ZNF236: variants seen among roughly 807,000 people sequenced by gnomAD.
The protein encoded by ZNF236 is regulated by glucose.
Under a neutral mutation model 191.2 loss-of-function variants are expected in ZNF236, and 50 were observed. The observed-to-expected ratio is 0.26, with a 90% CI of 0.21 to 0.33. The LOEUF (loss-of-function observed/expected upper bound fraction) is 0.33. Ranked by LOEUF, ZNF236 falls within the 10% of genes least tolerant of loss-of-function variation. The probability of loss-of-function intolerance (pLI) is 1.00; values close to 1 mark genes in which losing one functional copy is unlikely to be tolerated. For synonymous variants in ZNF236, 907 were observed against 928.8 expected (o/e 0.98, Z 0.43); for missense variants, 1,754 against 2,374.5 (o/e 0.74, Z 5.43).
chr18:76,885,831 C>T (rs1977033424), intron 9 of ZNF236: 1 of 152,272 alleles, frequency 6.6e-6, no homozygotes, highest in African/African-American at 2.4e-5. Flanking sequence ...AACATGGGAC[C>T]TCTGCTTCTG....
chr18:76,854,334 G>C (rs2122529431), intron 3 of ZNF236, among the ~76,000 whole-genome samples: 1 of 152,126 alleles, frequency 6.6e-6, no homozygotes, highest in South Asian at 2.1e-4. Flanking sequence ...TACAAAAATA[G>C]GATTATGTCA....
intron 11 of ZNF236, among the ~76,000 whole-genome samples, chr18:76,900,023 A>G (rs1047952089): frequency 6.6e-6 from 1 of 152,218 alleles, no homozygotes; most frequent in Non-Finnish European, 1.5e-5. Flanking sequence ...GGAGGACCAC[A>G]AACATTTAGA....
chr18:76,942,241 A>G (rs1968149288), intron 26 of ZNF236, among the ~76,000 whole-genome samples: 1 of 152,232 alleles, frequency 6.6e-6, no homozygotes, highest in Non-Finnish European at 1.5e-5. Flanking sequence ...TCCAATGTGA[A>G]GAAATCAAGT....
intron 11 of ZNF236, among the ~76,000 whole-genome samples, chr18:76,902,856 G>T (rs1384022778): frequency 6.6e-6 from 1 of 152,096 alleles, no homozygotes; most frequent in Non-Finnish European, 1.5e-5. Context: ...CTCCCAAAGT[G>T]CTGGGATTAC....
chr18:76,896,386 G>C (rs1431482394), intron 10 of ZNF236, among the ~76,000 whole-genome samples: 1 of 150,876 alleles, frequency 6.6e-6, no homozygotes, highest in East Asian at 2.0e-4. Flanking sequence ...ACCAAACTCA[G>C]TATCGAACAC....
intron 1 of ZNF236, among the ~76,000 whole-genome samples, chr18:76,833,176 A>G (rs1321426132): frequency 6.6e-6 from 1 of 152,094 alleles, no homozygotes; most frequent in Non-Finnish European, 1.5e-5. Context: ...TTCATTTCCA[A>G]TCTTTATCAC....
chr18:76,912,429 C>T, intron 17 of ZNF236, 82 bp downstream of exon 17: 1 of 940,698 alleles, frequency 1.1e-6, no homozygotes, highest in Non-Finnish European at 1.7e-6. Context: ...GCTCCAAGGG[C>T]TCTGCGATTT....
chr18:76,833,359 A>G (rs1975227513), intron 1 of ZNF236, among the ~76,000 whole-genome samples: 1 of 152,142 alleles, frequency 6.6e-6, no homozygotes, highest in African/African-American at 2.4e-5. Context: ...GGTAGATATT[A>G]TAAGATTACA....
rs1353765954 is a variant in ZNF236, at chr18:76,881,482, A to G, written c.1387A>G (p.Met463Val). ...PEKLDKKEKK[M>V]IKKKSPFLPG... is the part of the protein sequence containing the mutation. ...GAAACTGGATAAAAAAGAAAAAAAAATGATAAAGAAGAAGTCACCGTTTCT... is the reference window on the plus strand; with the variant it reads ...GAAACTGGATAAAAAAGAAAAAAAAGTGATAAAGAAGAAGTCACCGTTTCT... The change falls in exon 9 of 31, where the codon ATG becomes GTG. Residue 463 changes from methionine to valine, a missense_variant. Transcript: ENST00000320610. 1 of 1,612,686 alleles carries G rather than the reference A, an allele frequency of 6.2e-7. No homozygotes were observed. Among genetic ancestry groups the G allele is most frequent in the East Asian group, 2.2e-5 (1 of 44,896 alleles).
rs1475695568 is a variant in ZNF236, at chr18:76,925,526, C to T, written c.3999C>T (p.Gly1333=). ...DQNLLQPGLV[G]QAILPASVSA... is the part of the protein sequence containing the mutation. ...ATCTGCTGCAACCAGGACTGGTGGG[C>T]CAAGCTATTCTCCCTGCCTCTGTGT... Residue 1333 remains glycine (G), a synonymous_variant, in exon 22 of 31, where the codon GGC becomes GGT. Coordinates refer to ENST00000320610, the MANE Select transcript of ZNF236 (RefSeq NM_001306089.2). This position sits in a 1 kb window ranked among gnomAD's most constrained non-coding sequence, Gnocchi z 5.7. 1 of 1,613,584 alleles carries T rather than the reference C, an allele frequency of 6.2e-7. No homozygotes were observed. Among genetic ancestry groups the T allele is most frequent in the South Asian group, 1.1e-5 (1 of 91,076 alleles).
intron 7 of ZNF236, among the ~76,000 whole-genome samples, chr18:76,878,798 C>T (rs568376906): frequency 8.5e-4 from 129 of 152,254 alleles, no homozygotes; most frequent in Middle Eastern, 6.8e-3. Flanking sequence ...ACGAAAGTGT[C>T]GGAAGTTTTA....
intron 30 of ZNF236, among the ~76,000 whole-genome samples, chr18:76,963,306 G>GT (rs142938472): frequency 0.035 from 5,346 of 152,184 alleles, 322 homozygotes; most frequent in African/African-American, 0.12. Flanking sequence ...TTTGTCTGAT[G>GT]TTTTTTCTGC....
chr18:76,839,450 A>G (rs570570147), intron 1 of ZNF236, among the ~76,000 whole-genome samples: 69 of 152,326 alleles, frequency 4.5e-4, no homozygotes, highest in African/African-American at 1.3e-3. Context: ...AAGTATTTTA[A>G]AAGTTATTTC....
Position 76,875,795 on chromosome 18 carries a change from G to C in ZNF236, c.840+131G>C. 1.9e-6 allele frequency: 2 copies of C among 1,030,236 alleles called. No individual in the cohort carries two copies. The highest frequency in any genetic ancestry group is 1.3e-6 in the Non-Finnish European group (1 of 789,732). The allele number at this position is 1,030,236 out of a possible 1,614,324, so 63.8% of individuals were successfully genotyped here. A position where few individuals can be genotyped will look rare whatever the true frequency, so the allele number is the denominator to read the frequency against. On this transcript the variant is annotated intron_variant, in intron 6 of 30. Transcript: ENST00000320610. The surrounding 1 kb of genome is among the most constrained non-coding windows in gnomAD (Gnocchi z 4.3). ...ATTGATTTTGTGCCGAGCAGACCCTGTTTTAAAAAATACATACGTGGGAAT... is the reference window on the plus strand; with the variant it reads ...ATTGATTTTGTGCCGAGCAGACCCTCTTTTAAAAAATACATACGTGGGAAT...
intron 8 of ZNF236, 31 bp from the exon 9 acceptor site, chr18:76,881,253 C>T: frequency 1.2e-6 from 2 of 1,602,028 alleles, no homozygotes; most frequent in Non-Finnish European, 1.7e-6. Context: ...CCATCGTTAC[C>T]TTCTAACCTT....
intron 3 of ZNF236, among the ~76,000 whole-genome samples, chr18:76,865,307 AGC>A (rs2122579636): frequency 6.6e-6 from 1 of 152,334 alleles, no homozygotes; most frequent in Non-Finnish European, 1.5e-5. Context: ...ATTGCACTCC[AGC>A]CTGGGCCACA....
intron 3 of ZNF236, among the ~76,000 whole-genome samples, chr18:76,867,916 C>G (rs2122590495): frequency 6.6e-6 from 1 of 151,922 alleles, no homozygotes; most frequent in African/African-American, 2.4e-5. Flanking sequence ...TGTAGAACAT[C>G]TAGACCAGCA....
In ZNF236 at chr18:76,925,413, C is replaced by A. The variant is rs775861662; in HGVS notation, c.3886C>A (p.Gln1296Lys). 12 of 1,614,088 alleles carry A rather than the reference C, an allele frequency of 7.4e-6. No individual in the cohort carries two copies. The Admixed American group carries it at 1.3e-4, about 18-fold the overall frequency. The change falls in exon 22 of 31, where the codon CAG (glutamine) becomes AAG (lysine). Residue 1296 changes from glutamine (Q) to lysine (K), a missense_variant. This residue lies in a region of ZNF236 where 606 missense variants were observed against 761.5 expected (regional missense o/e 0.80). Coordinates refer to ENST00000320610, the MANE Select transcript of ZNF236 (RefSeq NM_001306089.2). The surrounding 1 kb of genome is among the most constrained non-coding windows in gnomAD (Gnocchi z 5.7). ...GACTCGAAGCTCATCGGAAGGACTG[C>A]AGCCTGTAAACCTCCTCAACTCCTC... ...PMTRSSSEGL[Q>K]PVNLLNSSST...
rs776495796 is a variant in ZNF236, at chr18:76,851,862, A to G, written c.286A>G (p.Thr96Ala). Reference protein sequence around the residue: ...HKCTHSGEDPTCPVCNKKFSR... With the variant: ...HKCTHSGEDPACPVCNKKFSR... ...ATGCACCCACAGCGGGGAAGATCCT[A>G]CCTGCCCTGTGTGTAACAAGAAATT... Residue 96 changes from threonine to alanine, a missense_variant, in exon 3 of 31, where the codon ACC (threonine) becomes GCC (alanine). Coordinates refer to ENST00000320610, the MANE Select transcript of ZNF236 (RefSeq NM_001306089.2). 2 of 1,613,958 alleles carry G rather than the reference A, an allele frequency of 1.2e-6. No individual in the cohort carries two copies. The highest frequency in any genetic ancestry group is 1.7e-6 in the Non-Finnish European group (2 of 1,179,978).
Sources: allele counts gnomAD v4.1 joint callset (sites outside exome capture counted in the v4.1 genomes callset), GRCh38; gene constraint gnomAD v4.1.1; regional missense constraint gnomAD v4.1.1; non-coding constraint Gnocchi (gnomAD v3.1); transcripts MANE v1.5; gene names NCBI Gene and HGNC (gene_info 2026-07-23, HGNC 2026-07-21).